RANGAP1: variants seen among roughly 807,000 people sequenced by gnomAD.
RANGAP1 encodes the protein Ran GTPase activating protein 1.
A neutral mutation model predicts 63.5 loss-of-function variants in RANGAP1; 38 were observed. That is an observed-to-expected ratio of 0.60 (90% CI 0.46 to 0.78). The LOEUF (loss-of-function observed/expected upper bound fraction) is 0.78. Among genes scored for constraint, RANGAP1 ranks in the 30% least tolerant of loss-of-function variants. The probability of loss-of-function intolerance (pLI) is 0.00; values close to 1 mark genes in which losing one functional copy is unlikely to be tolerated. For missense variants in RANGAP1, 630 were observed against 740.3 expected (o/e 0.85, Z 1.73); for synonymous variants, 329 against 310.5 (o/e 1.06, Z -0.63).
chr22:41,272,459 T>G (rs1184537443), intron 3 of RANGAP1, among the ~76,000 whole-genome samples: 1 of 152,116 alleles, frequency 6.6e-6, no homozygotes, highest in African/African-American at 2.4e-5. Flanking sequence ...CTGCAGAAAC[T>G]GGCACCACAG....
Position 41,265,086 on chromosome 22 carries a change from T to C in RANGAP1, c.301-243A>G, listed in dbSNP as rs1014822613. 3.3e-5 allele frequency among the ~76,000 whole-genome samples: 5 copies of C among 152,342 alleles called. No individual in the cohort carries two copies. The East Asian group carries it at 9.6e-4, about 29-fold the overall frequency. On this transcript the variant is annotated intron_variant, in intron 4 of 15. Coordinates refer to ENST00000356244, the MANE Select transcript of RANGAP1 (RefSeq NM_002883.4). ...AAGGCTCCTTGTAAGAGGTGGCATT[T>C]GGACTTAGTCTGGATGAGAATCAGC...
chr22:41,292,996 G>C, the RANGAP1 span, among the ~76,000 whole-genome samples: 1 of 151,904 alleles, frequency 6.6e-6, no homozygotes, highest in African/African-American at 2.4e-5. Context: ...AGCACTTTGG[G>C]AGGCCGAGGC....
At chr22:41,256,407 G>A (rs1027368304) in intron 8 of RANGAP1, 117 bp from the exon 9 acceptor site, 53 of 966,192 alleles carry the variant, frequency 5.5e-5, no homozygotes, top group Non-Finnish European at 7.7e-5. Flanking sequence ...TCCAGGTGGG[G>A]CAAAGTGGGC....
At chr22:41,246,800 C>A in intron 15 of RANGAP1, 128 bp from the exon 16 acceptor site, 1 of 869,384 alleles carries the variant, frequency 1.2e-6, no homozygotes, top group South Asian at 1.5e-5. Context: ...AGACATTAGC[C>A]CTCTGCCTTC....
At chr22:41,261,356 C>A in intron 6 of RANGAP1, 90 bp downstream of exon 6, 1 of 1,564,884 alleles carries the variant, frequency 6.4e-7, no homozygotes, top group Non-Finnish European at 8.7e-7. Context: ...TGGTTGAGTG[C>A]CAGCCCTGGG....
At chr22:41,296,706 C>T in the RANGAP1 span, among the ~76,000 whole-genome samples, 2 of 151,284 alleles carry the variant, frequency 1.3e-5, no homozygotes, top group African/African-American at 4.9e-5. Context: ...TAACTCAGTC[C>T]TTGCAGTGAC....
At chr22:41,280,569 C>T (rs2035438458) in intron 2 of RANGAP1, 2 of 989,120 alleles carry the variant, frequency 2.0e-6, no homozygotes, top group Admixed American at 2.4e-5. Context: ...TATTCCCAGG[C>T]CTGCCTGGGA....
intron 3 of RANGAP1, among the ~76,000 whole-genome samples, chr22:41,272,391 G>C (rs1214563889): frequency 6.6e-6 from 1 of 152,144 alleles, no homozygotes; most frequent in African/African-American, 2.4e-5. Context: ...TTGTAAACTA[G>C]TTTGCAGGCC....
chr22:41,294,957 C>T, the RANGAP1 span, among the ~76,000 whole-genome samples: 1 of 128,980 alleles, frequency 7.8e-6, no homozygotes, highest in Non-Finnish European at 1.7e-5. Context: ...CCCGGCCAGC[C>T]GCCCCATCTG....
chr22:41,273,049 G>T (rs2034929805), intron 3 of RANGAP1, among the ~76,000 whole-genome samples: 1 of 152,080 alleles, frequency 6.6e-6, no homozygotes, highest in African/African-American at 2.4e-5. Flanking sequence ...CTGGGCCTTG[G>T]CCTTCCAAAG....
chr22:41,277,113 T>C (rs2035196045), intron 2 of RANGAP1, among the ~76,000 whole-genome samples: 1 of 131,140 alleles, frequency 7.6e-6, no homozygotes, highest in African/African-American at 2.9e-5. Flanking sequence ...AGTCTCGCTC[T>C]GTTGCCCAGG....
chr22:41,270,737 C>T (rs1022984241), intron 3 of RANGAP1, among the ~76,000 whole-genome samples: 10 of 152,276 alleles, frequency 6.6e-5, no homozygotes, highest in South Asian at 2.1e-4. Flanking sequence ...CAGAAAAATC[C>T]GCATATCCAC....
chr22:41,280,004 A>C (rs1168480563), intron 2 of RANGAP1, among the ~76,000 whole-genome samples: 1 of 152,132 alleles, frequency 6.6e-6, no homozygotes, highest in Middle Eastern at 3.2e-3. Flanking sequence ...AGGCTGAGGC[A>C]GGAGAACTGC....
intron 3 of RANGAP1, among the ~76,000 whole-genome samples, chr22:41,271,389 AAAAAAAC>A (rs992194500): frequency 3.3e-5 from 5 of 149,354 alleles, no homozygotes; most frequent in African/African-American, 1.2e-4. Context: ...CTGTCTCTAA[AAAAAAAC>A]AAAAAAAAAA....
intron 8 of RANGAP1, 80 bp from the exon 9 acceptor site, chr22:41,256,370 C>A: frequency 2.1e-6 from 3 of 1,401,508 alleles, no homozygotes; most frequent in Non-Finnish European, 2.0e-6. Flanking sequence ...TCAGTTTCCC[C>A]AAGTGAGGAT....
chr22:41,270,622 AT>A (rs776627372), intron 3 of RANGAP1, among the ~76,000 whole-genome samples: 73 of 152,136 alleles, frequency 4.8e-4, no homozygotes, highest in Non-Finnish European at 8.4e-4. Flanking sequence ...TAATTTTTGT[AT>A]CTTTTGTAGA....
intron 2 of RANGAP1, chr22:41,277,329 C>T (rs1347976548): frequency 2.3e-5 from 9 of 396,654 alleles, no homozygotes; most frequent in Non-Finnish European, 3.4e-5. Context: ...CCGCCCGCCT[C>T]GGCCTCCCAA....
chr22:41,255,612 C>T (rs1479285066), intron 10 of RANGAP1, among the ~76,000 whole-genome samples: 1 of 150,816 alleles, frequency 6.6e-6, no homozygotes, highest in Non-Finnish European at 1.5e-5. Context: ...TCCCCAACTC[C>T]ACCACTCTAC....
At chr22:41,295,370 CT>C in the RANGAP1 span, among the ~76,000 whole-genome samples, 1 of 151,944 alleles carries the variant, frequency 6.6e-6, no homozygotes, top group African/African-American at 2.4e-5. Context: ...ATTCTTCTGC[CT>C]TGGGATCCTG....
Sources: gnomAD v4.1 joint callset for allele counts (sites outside exome capture counted in the v4.1 genomes callset) on GRCh38, gnomAD v4.1.1 for gene constraint, MANE v1.5 for transcripts, NCBI Gene and HGNC (gene_info 2026-07-23, HGNC 2026-07-21) for gene names.